CNTNAP5: variants seen among roughly 807,000 people sequenced by gnomAD.
CNTNAP5 encodes contactin associated protein family member 5.
In CNTNAP5, 72 loss-of-function variants were observed where a neutral mutation model predicts 150.2. That is an observed-to-expected ratio of 0.48 (90% CI 0.40 to 0.58). CNTNAP5 has a LOEUF of 0.58. CNTNAP5 is among the 20% of genes least tolerant of loss of function. The pLI is 0.00. For synonymous variants in CNTNAP5, 672 were observed against 619.8 expected, an observed-to-expected ratio of 1.08 and a Z score of -1.25; for missense variants, 1,636 against 1,626.2, an observed-to-expected ratio of 1.01 and a Z score of -0.10.
At chr2:124,172,737 T>A (rs1684962800) in intron 1 of CNTNAP5, among the ~76,000 whole-genome samples, 2 of 151,338 alleles carry the variant, frequency 1.3e-5, no homozygotes, top group South Asian at 4.2e-4. Flanking sequence ...TACTTTGGTA[T>A]GTTTGTAAAT....
chr2:124,299,191 C>CACTGCAAT (rs1277532946), intron 3 of CNTNAP5, among the ~76,000 whole-genome samples: 1 of 152,182 alleles, frequency 6.6e-6, no homozygotes, highest in Non-Finnish European at 1.5e-5. Context: ...GGCTCTTCCC[C>CACTGCAAT]ACTGCAATTG....
intron 3 of CNTNAP5, among the ~76,000 whole-genome samples, chr2:124,262,050 T>C (rs1687471662): frequency 6.6e-6 from 1 of 152,076 alleles, no homozygotes; most frequent in African/African-American, 2.4e-5. Context: ...TGGAAACCTA[T>C]GGGCAACATA....
intron 19 of CNTNAP5, among the ~76,000 whole-genome samples, chr2:124,813,378 G>GT (rs111265761): frequency 0.049 from 7,062 of 143,562 alleles, 513 homozygotes; most frequent in African/African-American, 0.17. Context: ...TGCCTGGCCT[G>GT]TTTTTTTTTT....
rs189519484 is a variant in CNTNAP5 at position 124,242,746 on chromosome 2, C to T, written c.381+353C>T. On this transcript the variant is annotated intron_variant, in intron 3 of 23. Transcript: ENST00000682447. ...TACTAATTTACTGAGTGTTTATTGA[C>T]TTATTAGTTTATTATATGCCAGGCA... Among the ~76,000 whole-genome samples the T allele has an allele frequency of 2.0e-5, 3 of 152,168 alleles. No homozygotes were observed. The East Asian group carries it at 5.8e-4, about 30-fold the overall frequency.
At chr2:124,677,715 G>A (rs1434020645) in intron 13 of CNTNAP5, among the ~76,000 whole-genome samples, 1 of 151,332 alleles carries the variant, frequency 6.6e-6, no homozygotes, top group Non-Finnish European at 1.5e-5. Context: ...AGTGCTGATT[G>A]GTGTGGTTTT....
At chr2:124,352,613 A>G (rs1297017542) in intron 3 of CNTNAP5, among the ~76,000 whole-genome samples, 1 of 152,210 alleles carries the variant, frequency 6.6e-6, no homozygotes, top group African/African-American at 2.4e-5. Flanking sequence ...GAAAGAAAAA[A>G]CATCATCCAA....
At chr2:124,390,015 GCAA>G (rs1691069498) in intron 3 of CNTNAP5, among the ~76,000 whole-genome samples, 1 of 151,648 alleles carries the variant, frequency 6.6e-6, no homozygotes, top group Non-Finnish European at 1.5e-5. Flanking sequence ...AATTTAAACA[GCAA>G]CAACAACAGA....
At chr2:124,407,606 T>C (rs2104764971) in intron 3 of CNTNAP5, among the ~76,000 whole-genome samples, 1 of 152,276 alleles carries the variant, frequency 6.6e-6, no homozygotes, top group African/African-American at 2.4e-5. Context: ...AATGTGGTAA[T>C]TTTGAAGAGC....
intron 6 of CNTNAP5, among the ~76,000 whole-genome samples, chr2:124,470,391 G>A (rs1693480415): frequency 6.6e-6 from 1 of 152,006 alleles, no homozygotes; most frequent in Non-Finnish European, 1.5e-5. Flanking sequence ...GCCTGTTCAT[G>A]TCTTTTGCCC....
intron 11 of CNTNAP5, among the ~76,000 whole-genome samples, chr2:124,568,349 T>G (rs1696078074): frequency 6.6e-6 from 1 of 152,196 alleles, no homozygotes; most frequent in Non-Finnish European, 1.5e-5. Context: ...GAAAACAGAC[T>G]GTCAAGGGCT....
intron 11 of CNTNAP5, among the ~76,000 whole-genome samples, chr2:124,593,091 T>A (rs6714909): frequency 0.43 from 64,697 of 150,140 alleles, 14,559 homozygotes; most frequent in East Asian, 0.8. Flanking sequence ...TACATGTATG[T>A]ATTCTATTTT....
chr2:124,858,883 C>T (rs1415429858), intron 19 of CNTNAP5, among the ~76,000 whole-genome samples: 1 of 152,080 alleles, frequency 6.6e-6, no homozygotes. Context: ...GGATCTCTTC[C>T]TTACACCTTA....
chr2:124,605,350 A>G (rs1697079651), intron 11 of CNTNAP5, among the ~76,000 whole-genome samples: 1 of 152,236 alleles, frequency 6.6e-6, no homozygotes, highest in African/African-American at 2.4e-5. Context: ...AAGATTAGCA[A>G]TATACTGGGA....
chr2:124,533,269 G>T (rs1695152153), intron 10 of CNTNAP5, among the ~76,000 whole-genome samples: 1 of 151,730 alleles, frequency 6.6e-6, no homozygotes, highest in African/African-American at 2.4e-5. Flanking sequence ...TCCTGCATTT[G>T]CAGAAACCTG....
At chr2:124,292,196 T>A (rs970183967) in intron 3 of CNTNAP5, among the ~76,000 whole-genome samples, 3 of 152,162 alleles carry the variant, frequency 2.0e-5, no homozygotes, top group African/African-American at 4.8e-5. Flanking sequence ...CTCTTTTTTT[T>A]ATTCCCATTC....
chr2:124,070,758 T>C (rs1682285175), intron 1 of CNTNAP5, among the ~76,000 whole-genome samples: 1 of 151,988 alleles, frequency 6.6e-6, no homozygotes, highest in Admixed American at 6.6e-5. Flanking sequence ...AGATGGGGAA[T>C]TCAGTACTCC....
intron 13 of CNTNAP5, among the ~76,000 whole-genome samples, chr2:124,657,473 C>A (rs903785699): frequency 4.6e-5 from 7 of 152,124 alleles, no homozygotes; most frequent in African/African-American, 1.7e-4. Context: ...TCCATTCACA[C>A]CCTCATCATC....
intron 19 of CNTNAP5, among the ~76,000 whole-genome samples, chr2:124,808,991 T>C (rs1377227531): frequency 6.6e-6 from 1 of 151,792 alleles, no homozygotes; most frequent in Non-Finnish European, 1.5e-5. Context: ...TTTTTTTTTC[T>C]CTATACTGGA....
intron 12 of CNTNAP5, among the ~76,000 whole-genome samples, chr2:124,644,284 T>C (rs1678159092): frequency 6.6e-6 from 1 of 152,208 alleles, no homozygotes. Flanking sequence ...GCTGACTTTC[T>C]TTCAGTGGCA....
Sources: gnomAD v4.1 joint callset for allele counts (sites outside exome capture counted in the v4.1 genomes callset) on GRCh38, gnomAD v4.1.1 for gene constraint, MANE v1.5 for transcripts, NCBI Gene and HGNC (gene_info 2026-07-23, HGNC 2026-07-21) for gene names.